Variants in ADGRG4 observed in about 807,000 individuals in gnomAD.
ADGRG4 encodes adhesion G protein-coupled receptor G4, also known as G protein-coupled receptor 112.
Under a neutral mutation model 126.2 loss-of-function variants are expected in ADGRG4, and 122 were observed. The ratio of observed to expected loss-of-function variants is 0.97; its 90% CI spans 0.83 to 1.12. ADGRG4 has a LOEUF of 1.12. Among genes scored for constraint, ADGRG4 ranks in the 50% most tolerant of loss-of-function variants. The pLI is 0.00. For synonymous variants in ADGRG4, 943 were observed against 838.7 expected, an observed-to-expected ratio of 1.12 and a Z score of -2.15; for missense variants, 2,481 against 2,251.8, an observed-to-expected ratio of 1.10 and a Z score of -2.06.
chrX:136,342,919 TGTGA>T lies in ADGRG4; in HGVS notation c.686-1471_686-1468del, dbSNP rs1183079602. Among the ~76,000 whole-genome samples the T allele has an allele frequency of 7.4e-3, 606 of 81,979 alleles. 4 individuals carry two copies. Among genetic ancestry groups the T allele is most frequent in the African/African-American group, 0.027 (526 of 19,706 alleles). The allele number at this position is 81,979 out of a possible 115,157, so 71.2% of individuals were successfully genotyped here. A position where few individuals can be genotyped will look rare whatever the true frequency, so the allele number is the denominator to read the frequency against. The stretch of plus-strand genomic sequence containing the variant: ...GTGTGTGTGTGTGTGTGTGTGTGTG[TGTGA>T]GAGAGAGAGAGGAAGGGGATCAGAT... On this transcript the variant is annotated intron_variant, in intron 5 of 25. Transcript: ENST00000394143.
intron 23 of ADGRG4, among the ~76,000 whole-genome samples, chrX:136,407,523 C>A (rs1347656856): frequency 9.0e-6 from 1 of 111,444 alleles, no homozygotes; most frequent in Non-Finnish European, 1.9e-5. Context: ...TAGCAGAAGG[C>A]ATGGTTTTTG....
At chrX:136,398,996 A>T (rs146405785) in intron 20 of ADGRG4, among the ~76,000 whole-genome samples, 1,917 of 112,553 alleles carry the variant, frequency 0.017, 34 homozygotes, top group African/African-American at 0.057. Flanking sequence ...TAAATCTCAT[A>T]GACATAGAAT....
At chrX:136,311,391 A>G (rs769794622) in intron 4 of ADGRG4, among the ~76,000 whole-genome samples, 44 of 90,558 alleles carry the variant, frequency 4.9e-4, no homozygotes, top group African/African-American at 1.9e-3. Flanking sequence ...TGCTCATACC[A>G]TGTACACACA....
chrX:136,380,823 C>T (rs2075259790), intron 15 of ADGRG4, among the ~76,000 whole-genome samples: 1 of 108,526 alleles, frequency 9.2e-6, no homozygotes, highest in Non-Finnish European at 1.9e-5. Context: ...GCAATCCTCC[C>T]ACCTCAGCCT....
chrX:136,319,981 C>T (rs2074830439), intron 4 of ADGRG4, among the ~76,000 whole-genome samples: 1 of 111,747 alleles, frequency 8.9e-6, no homozygotes, highest in African/African-American at 3.2e-5. Flanking sequence ...AATATGTGCT[C>T]TTCCACACTT....
chrX:136,394,814 A>G (rs1408161228), intron 18 of ADGRG4, among the ~76,000 whole-genome samples: 1 of 111,743 alleles, frequency 8.9e-6, no homozygotes, highest in Non-Finnish European at 1.9e-5. Context: ...AATCTGATCT[A>G]GTACCTGAGA....
chrX:136,318,834 T>C (rs2074821303), intron 4 of ADGRG4, among the ~76,000 whole-genome samples: 1 of 112,417 alleles, frequency 8.9e-6, no homozygotes, highest in African/African-American at 3.2e-5. Flanking sequence ...GCTAATACTT[T>C]TCAGTTTTTC....
intron 4 of ADGRG4, among the ~76,000 whole-genome samples, chrX:136,314,611 A>G (rs1025905747): frequency 1.8e-5 from 2 of 112,324 alleles, no homozygotes; most frequent in East Asian, 2.8e-4. Flanking sequence ...ACTATCCTAC[A>G]TAATGTAGAC....
Position 136,372,926 on chromosome X carries a change from T to A in ADGRG4, c.7638T>A (p.Thr2546=). 8.3e-7 allele frequency: 1 copy of A among 1,211,620 alleles called. No homozygotes were observed. Among genetic ancestry groups the A allele is most frequent in the Admixed American group, 2.2e-5 (1 of 46,081 alleles). ...GAATTCTGAGGATAATTGAGCGTACTGGTCACAAGATGGAGTTTTCTGGGC... is the reference window on the plus strand; with the variant it reads ...GAATTCTGAGGATAATTGAGCGTACAGGTCACAAGATGGAGTTTTCTGGGC... ...SNEILRIIER[T]GHKMEFSGQI... The change falls in exon 15 of 26, where the codon ACT becomes ACA. Residue 2546 remains threonine (T), a synonymous_variant. Coordinates refer to ENST00000394143, the MANE Select transcript of ADGRG4 (RefSeq NM_153834.4).
chrX:136,363,134 GA>G (rs1408243736), intron 12 of ADGRG4, among the ~76,000 whole-genome samples: 1 of 111,718 alleles, frequency 9.0e-6, no homozygotes, highest in Non-Finnish European at 1.9e-5. Context: ...CCCCTTAAAA[GA>G]GGAGTAAGAA....
intron 15 of ADGRG4, among the ~76,000 whole-genome samples, chrX:136,380,568 C>CCTCT (rs1569332913): frequency 1.4e-3 from 111 of 81,213 alleles, no homozygotes; most frequent in African/African-American, 5.1e-3. Flanking sequence ...CTTCTTCTTC[C>CCTCT]TCTTCTTCTT....
At chrX:136,372,847 A>T in intron 14 of ADGRG4, 55 bp from the exon 15 acceptor site, 1 of 1,128,258 alleles carries the variant, frequency 8.9e-7, no homozygotes, top group African/African-American at 1.8e-5. Context: ...TGCAAGGAGG[A>T]TGGGTTTTAC....
chrX:136,339,559 C>T (rs1265720865), intron 5 of ADGRG4, among the ~76,000 whole-genome samples: 1 of 112,149 alleles, frequency 8.9e-6, no homozygotes, highest in African/African-American at 3.2e-5. Flanking sequence ...AATGAGCCTA[C>T]TTGGACTGAC....
intron 13 of ADGRG4, among the ~76,000 whole-genome samples, chrX:136,367,298 G>A (rs1208732607): frequency 8.9e-6 from 1 of 112,070 alleles, no homozygotes; most frequent in Non-Finnish European, 1.9e-5. Flanking sequence ...CTATCTAGAA[G>A]AATTAGGAAA....
At position 136,403,228 on chromosome X, in the gene ADGRG4, T is replaced by TA. The variant is rs774026234; in HGVS notation, c.8576-16_8576-15insA. On this transcript the variant is annotated splice_polypyrimidine_tract_variant and intron_variant, in intron 21 of 25. Coordinates refer to ENST00000394143, the MANE Select transcript of ADGRG4 (RefSeq NM_153834.4). The stretch of plus-strand genomic sequence containing the variant: ...GCTACCTGATGAAATGCCTTTGACT[T>TA]GCTTTCCCACTGCAGGAATCCCGGC... 1 of 1,199,990 alleles carries TA rather than the reference T, an allele frequency of 8.3e-7. No homozygotes were observed. The highest frequency in any genetic ancestry group is 2.2e-5 in the Admixed American group (1 of 45,877).
intron 10 of ADGRG4, among the ~76,000 whole-genome samples, chrX:136,358,165 G>A (rs767297991): frequency 9.0e-6 from 1 of 111,187 alleles, no homozygotes; most frequent in African/African-American, 3.3e-5. Flanking sequence ...TCTGTTCGAC[G>A]CACATCAGGA....
rs750918799 is a variant in ADGRG4 at position 136,349,914 on chromosome X, C to A, written c.6208C>A (p.Arg2070=). 2.3e-5 allele frequency: 28 copies of A among 1,210,722 alleles called. No homozygotes were observed. The highest frequency in any genetic ancestry group is 3.0e-5 in the Non-Finnish European group (27 of 894,830). Residue 2070 remains arginine (R), a synonymous_variant, in exon 6 of 26, where the codon CGA becomes AGA. Transcript: ENST00000394143. ...PSATMSTILT[R]TIPTPTLGGI... is the part of the protein sequence containing the mutation. Reference sequence around the variant, plus strand: ...TGCTACTATGAGCACCATACTCACCCGAACCATTCCTACACCTACACTGGG... The same window carrying A: ...TGCTACTATGAGCACCATACTCACCAGAACCATTCCTACACCTACACTGGG...
rs1167531133 is a variant in ADGRG4, at chrX:136,348,827, A to G, written c.5121A>G (p.Ser1707=). 1 of 1,206,522 alleles carries G rather than the reference A, an allele frequency of 8.3e-7. No individual in the cohort carries two copies. The highest frequency in any genetic ancestry group is 1.8e-5 in the African/African-American group (1 of 56,352). ...TTCTATCAGCAACTCAACAGTCATC[A>G]CAAGCAGATGAGGCTACAACTTTGG... The part of the protein sequence containing the change: ...SPFLSATQQS[S]QADEATTLGI... The change falls in exon 6 of 26, where the codon TCA becomes TCG. Residue 1707 remains serine (S), a synonymous_variant. Coordinates refer to ENST00000394143, the MANE Select transcript of ADGRG4 (RefSeq NM_153834.4).
intron 14 of ADGRG4, 31 bp from the exon 15 acceptor site, chrX:136,372,871 G>A: frequency 3.3e-6 from 4 of 1,200,504 alleles, no homozygotes; most frequent in Non-Finnish European, 3.4e-6. Context: ...TAAAAGGTAG[G>A]ATGCTCTTCT....
Sources: allele counts gnomAD v4.1 joint callset (sites outside exome capture counted in the v4.1 genomes callset), GRCh38; gene constraint gnomAD v4.1.1; transcripts MANE v1.5; gene names NCBI Gene and HGNC (gene_info 2026-07-23, HGNC 2026-07-21).